GABRG1: variants seen among roughly 807,000 people sequenced by gnomAD.
GABRG1 encodes the protein gamma-aminobutyric acid type A receptor subunit gamma1, also known as gamma-aminobutyric acid receptor subunit gamma-1.
A neutral mutation model predicts 49.8 loss-of-function variants in GABRG1; 49 were observed. The ratio of observed to expected loss-of-function variants is 0.98; its 90% CI spans 0.78 to 1.25. The LOEUF (loss-of-function observed/expected upper bound fraction) is 1.25. Ranked by LOEUF, GABRG1 falls within the 50% of genes most tolerant of loss-of-function variation. The probability of loss-of-function intolerance (pLI) is 0.00; values close to 1 mark genes in which losing one functional copy is unlikely to be tolerated. For missense variants in GABRG1, 552 were observed against 552.3 expected, an observed-to-expected ratio of 1.00 and a Z score of 0.01; for synonymous variants, 232 against 185.1, an observed-to-expected ratio of 1.25 and a Z score of -2.06.
intron 3 of GABRG1, among the ~76,000 whole-genome samples, chr4:46,065,914 G>C (rs1408455997): frequency 2.6e-5 from 4 of 151,978 alleles, no homozygotes; most frequent in Admixed American, 1.3e-4. Flanking sequence ...AGTAGAGAGG[G>C]GGTTTCACCG....
At position 46,101,806 on chromosome 4, in the gene GABRG1, A is replaced by G. The variant is rs541194026; in HGVS notation, c.105-4457T>C. Reference sequence around the variant, plus strand: ...CATCTATTGCTTGTTAAGAGTCTGTAAAAACATCAAATTATTTTCATAATT... The same window carrying G: ...CATCTATTGCTTGTTAAGAGTCTGTGAAAACATCAAATTATTTTCATAATT... On this transcript the variant is annotated intron_variant, in intron 1 of 8. Transcript: ENST00000295452. Among the ~76,000 whole-genome samples the G allele has an allele frequency of 1.2e-3, 185 of 151,840 alleles. 2 individuals are homozygous for G. The South Asian group carries it at 0.038, about 31-fold the overall frequency.
At chr4:46,110,544 C>A (rs553405631) in intron 1 of GABRG1, among the ~76,000 whole-genome samples, 2 of 150,772 alleles carry the variant, frequency 1.3e-5, no homozygotes, top group Non-Finnish European at 3.0e-5. Context: ...CCACCAAAGA[C>A]AATGAAAAAA....
At chr4:46,075,096 C>T (rs1210937111) in intron 3 of GABRG1, among the ~76,000 whole-genome samples, 1 of 151,546 alleles carries the variant, frequency 6.6e-6, no homozygotes, top group Non-Finnish European at 1.5e-5. Flanking sequence ...TTAAAAAGTC[C>T]TACCTATAAG....
Position 46,123,885 on chromosome 4 carries a change from G to C in GABRG1, c.29C>G (p.Ser10Cys). The C allele has an allele frequency of 6.2e-7, 1 of 1,613,682 alleles. No homozygotes were observed. The highest frequency in any genetic ancestry group is 8.5e-7 in the Non-Finnish European group (1 of 1,179,772). Residue 10 changes from serine (S) to cysteine (C), a missense_variant, in exon 1 of 9, where the codon TCC (serine) becomes TGC (cysteine). Physicochemically the swap from Ser to Cys is moderately radical, Grantham distance 112. Coordinates refer to ENST00000295452, the MANE Select transcript of GABRG1 (RefSeq NM_173536.4). ...ACTTTGACTCCGCAGAAGAAAAGGG[G>C]AGAAGAGAAAAGCTTTCAAAGGACC... MGPLKAFLF[S>C]PFLLRSQSRG...
At chr4:46,093,642 T>G (rs558664436) in intron 2 of GABRG1, among the ~76,000 whole-genome samples, 1 of 152,124 alleles carries the variant, frequency 6.6e-6, no homozygotes, top group East Asian at 1.9e-4. Flanking sequence ...TCGAGGTGAC[T>G]ACCCCATTTA....
At position 46,040,573 on chromosome 4, in the gene GABRG1, C is replaced by A. The variant is rs1305849819; in HGVS notation, c.*415G>T. 1 of 152,664 alleles carries A rather than the reference C, an allele frequency of 6.6e-6. No individual in the cohort carries two copies. Among genetic ancestry groups the A allele is most frequent in the Non-Finnish European group, 1.5e-5 (1 of 68,228 alleles). 9.5% of individuals were successfully genotyped at this position (152,664 alleles called of 1,614,324 possible). On this transcript the variant is annotated 3_prime_UTR_variant, in exon 9 of 9. Transcript: ENST00000295452. ...AAGCAAGAAAAAACAAATTAACAGT[C>A]TTTTTTCTGGCACAAAAGTTGCTAC... is the stretch of plus-strand genomic sequence containing the variant.
intron 1 of GABRG1, among the ~76,000 whole-genome samples, chr4:46,120,568 T>G (rs751371029): frequency 6.6e-6 from 1 of 151,752 alleles, no homozygotes; most frequent in Non-Finnish European, 1.5e-5. Context: ...TGGAATATCT[T>G]TACTTAGTCA....
chr4:46,042,421 T>C (rs1298071266), intron 8 of GABRG1, among the ~76,000 whole-genome samples: 1 of 151,992 alleles, frequency 6.6e-6, no homozygotes, highest in Non-Finnish European at 1.5e-5. Context: ...ATTCAACATA[T>C]TTTGAGGGTT....
intron 7 of GABRG1, among the ~76,000 whole-genome samples, chr4:46,052,186 G>A (rs1246769370): frequency 1.3e-5 from 2 of 151,470 alleles, no homozygotes; most frequent in African/African-American, 4.8e-5. Context: ...GCCAGAAGGA[G>A]ACTGAGTCTC....
rs1397739787 is a variant in GABRG1 at position 46,058,472 on chromosome 4, G to A, written c.763+13C>T. The A allele has an allele frequency of 1.2e-6, 2 of 1,610,470 alleles. No homozygotes were observed. Among genetic ancestry groups the A allele is most frequent in the South Asian group, 2.2e-5 (2 of 90,414 alleles). On this transcript the variant is annotated intron_variant, in intron 6 of 8. Coordinates refer to ENST00000295452, the MANE Select transcript of GABRG1 (RefSeq NM_173536.4). The stretch of plus-strand genomic sequence containing the variant: ...ATGCTAGCATCATTTCACTATTTGA[G>A]TATTCTTTTTACCAGAGATCGTGTG...
At chr4:46,118,454 TA>T (rs1721000437) in intron 1 of GABRG1, among the ~76,000 whole-genome samples, 1 of 150,996 alleles carries the variant, frequency 6.6e-6, no homozygotes, top group African/African-American at 2.4e-5. Flanking sequence ...TTATTGTGTT[TA>T]CTTGTTTATG....
intron 1 of GABRG1, among the ~76,000 whole-genome samples, chr4:46,119,463 A>G (rs1721031596): frequency 1.3e-5 from 2 of 151,510 alleles, no homozygotes; most frequent in Non-Finnish European, 3.0e-5. Context: ...AGTTCACAAA[A>G]ATGTTTTTCC....
At chr4:46,067,792 T>C (rs145076107) in intron 3 of GABRG1, among the ~76,000 whole-genome samples, 1 of 152,264 alleles carries the variant, frequency 6.6e-6, no homozygotes, top group Non-Finnish European at 1.5e-5. Context: ...TACATAGTAA[T>C]TCGTATTTAC....
chr4:46,074,903 G>A (rs1277753875), intron 3 of GABRG1, among the ~76,000 whole-genome samples: 1 of 151,910 alleles, frequency 6.6e-6, no homozygotes, highest in East Asian at 1.9e-4. Context: ...GGATGGAATG[G>A]GAAAATTTTG....
chr4:46,094,433 G>A (rs913603376), intron 2 of GABRG1, among the ~76,000 whole-genome samples: 1 of 151,868 alleles, frequency 6.6e-6, no homozygotes, highest in Admixed American at 6.6e-5. Context: ...ATGGGCCTAA[G>A]GTAGATGCCA....
intron 1 of GABRG1, among the ~76,000 whole-genome samples, chr4:46,123,475 G>A (rs1721158248): frequency 6.6e-6 from 1 of 151,862 alleles, no homozygotes; most frequent in African/African-American, 2.4e-5. Context: ...AAAGTTCTTC[G>A]GTGGCATTCA....
chr4:46,062,519 A>C (rs1045678046), intron 5 of GABRG1, among the ~76,000 whole-genome samples: 4 of 152,118 alleles, frequency 2.6e-5, no homozygotes, highest in African/African-American at 9.7e-5. Context: ...CTATTTCTCC[A>C]CATCCTCTCC....
intron 1 of GABRG1, among the ~76,000 whole-genome samples, chr4:46,103,344 T>C (rs1720443317): frequency 6.6e-6 from 1 of 151,594 alleles, no homozygotes; most frequent in Admixed American, 6.6e-5. Context: ...ACTGAGTATA[T>C]GTACAGAAAA....
intron 2 of GABRG1, 69 bp downstream of exon 2, chr4:46,097,132 G>T: frequency 7.7e-7 from 1 of 1,297,300 alleles, no homozygotes; most frequent in Non-Finnish European, 1.0e-6. Flanking sequence ...AAGAAATAAT[G>T]ATTAAAATAG....
Sources: gnomAD v4.1 joint callset for allele counts (sites outside exome capture counted in the v4.1 genomes callset) on GRCh38, gnomAD v4.1.1 for gene constraint, MANE v1.5 for transcripts, NCBI Gene and HGNC (gene_info 2026-07-23, HGNC 2026-07-21) for gene names.